The following DCC variants were observed in gnomAD, a reference collection of about 807,000 sequenced individuals.
DCC encodes netrin receptor DCC.
In DCC, 58 loss-of-function variants were observed where a neutral mutation model predicts 172.5. The ratio of observed to expected loss-of-function variants is 0.34; its 90% CI spans 0.27 to 0.42. The LOEUF is 0.42. DCC is among the 10% of genes least tolerant of loss of function. The probability of loss-of-function intolerance (pLI) is 1.00; values close to 1 mark genes in which losing one functional copy is unlikely to be tolerated. For missense variants in DCC, 1,740 were observed against 1,791.0 expected (o/e 0.97, Z 0.51); for synonymous variants, 709 against 644.5 (o/e 1.10, Z -1.52).
At chr18:53,387,931 G>A (rs1908279807) in intron 16 of DCC, among the ~76,000 whole-genome samples, 2 of 152,304 alleles carry the variant, frequency 1.3e-5, no homozygotes, top group South Asian at 2.1e-4. Flanking sequence ...TGGAAAAGGT[G>A]AAAGAATTCA....
intron 1 of DCC, among the ~76,000 whole-genome samples, chr18:52,652,114 AC>A (rs1467768430): frequency 6.6e-6 from 1 of 152,228 alleles, no homozygotes. Context: ...GTCTTGACAC[AC>A]CAGGCTTAGG....
Position 52,782,759 on chromosome 18 carries a change from T to C in DCC, c.412+30385T>C, listed in dbSNP as rs544428529. Among the ~76,000 whole-genome samples, 5 of 152,172 alleles carry C rather than the reference T, an allele frequency of 3.3e-5. No individual in the cohort carries two copies. In the South Asian group the frequency reaches 6.2e-4, roughly 19 times the overall value. On this transcript the variant is annotated intron_variant, in intron 2 of 28. Coordinates refer to ENST00000442544, the MANE Select transcript of DCC (RefSeq NM_005215.4). ...CCTCTCTTGTTCCTCTCTAGGTTAG[T>C]GTACAAGAAAAATCAGCATATCCCC...
At chr18:52,522,058 G>A (rs954300821) in intron 1 of DCC, among the ~76,000 whole-genome samples, 2 of 152,116 alleles carry the variant, frequency 1.3e-5, no homozygotes, top group African/African-American at 4.8e-5. Context: ...TTAAGAAGGT[G>A]ATGACTTAGT....
chr18:53,173,106 T>C (rs1483964849), intron 8 of DCC, among the ~76,000 whole-genome samples: 2 of 152,122 alleles, frequency 1.3e-5, no homozygotes, highest in Non-Finnish European at 2.9e-5. Flanking sequence ...TACAATTCTA[T>C]TATGAGGGTT....
chr18:53,250,569 C>A (rs547662793), intron 12 of DCC, among the ~76,000 whole-genome samples: 3 of 151,944 alleles, frequency 2.0e-5, no homozygotes, highest in African/African-American at 7.2e-5. Flanking sequence ...CCTCCCCTTT[C>A]TTCCACAGGC....
intron 22 of DCC, among the ~76,000 whole-genome samples, chr18:53,448,250 G>C: frequency 6.6e-6 from 1 of 152,082 alleles, no homozygotes. Context: ...ATTTATAAAG[G>C]AAAGAGGTTT....
intron 5 of DCC, among the ~76,000 whole-genome samples, chr18:52,995,629 C>T (rs1328707500): frequency 6.6e-6 from 1 of 152,022 alleles, no homozygotes; most frequent in African/African-American, 2.4e-5. Context: ...TACTTTCTAA[C>T]ATCTCAAGGC....
chr18:53,164,894 C>A (rs911300876), intron 8 of DCC, among the ~76,000 whole-genome samples: 17 of 152,056 alleles, frequency 1.1e-4, no homozygotes, highest in African/African-American at 4.1e-4. Context: ...ATGAGTATGC[C>A]TTTCTCTGTT....
At chr18:52,394,636 G>A (rs561583198) in intron 1 of DCC, among the ~76,000 whole-genome samples, 1 of 152,070 alleles carries the variant, frequency 6.6e-6, no homozygotes, top group Non-Finnish European at 1.5e-5. Flanking sequence ...AAGTCAGTGG[G>A]CAGCAGGTTT....
chr18:52,384,192 T>TAAGATTC (rs1046904584), intron 1 of DCC, among the ~76,000 whole-genome samples: 122 of 152,176 alleles, frequency 8.0e-4, no homozygotes, highest in African/African-American at 2.8e-3. Context: ...CAAGGGAACA[T>TAAGATTC]AAGATTCACT....
chr18:52,817,614 C>A (rs767819238), intron 2 of DCC, among the ~76,000 whole-genome samples: 1 of 151,960 alleles, frequency 6.6e-6, no homozygotes, highest in Non-Finnish European at 1.5e-5. Context: ...ATATTTTCAT[C>A]TTAATGAGTG....
At chr18:53,094,959 A>C (rs73957040) in intron 7 of DCC, among the ~76,000 whole-genome samples, 6,048 of 152,288 alleles carry the variant, frequency 0.04, 369 homozygotes, top group African/African-American at 0.13. Context: ...ACTCTATATT[A>C]AATGAAAGCT....
chr18:52,580,369 A>ACTT (rs1337969256), intron 1 of DCC, among the ~76,000 whole-genome samples: 1 of 152,032 alleles, frequency 6.6e-6, no homozygotes, highest in Non-Finnish European at 1.5e-5. Context: ...ATTTTTAGAG[A>ACTT]CTTCTGGATA....
At chr18:52,827,157 A>C (rs1229059040) in intron 2 of DCC, among the ~76,000 whole-genome samples, 1 of 152,186 alleles carries the variant, frequency 6.6e-6, no homozygotes, top group Non-Finnish European at 1.5e-5. Flanking sequence ...AGGGGGCCCT[A>C]CTCAGTCTCA....
At chr18:52,579,121 G>T (rs2033486320) in intron 1 of DCC, among the ~76,000 whole-genome samples, 2 of 152,166 alleles carry the variant, frequency 1.3e-5, no homozygotes, top group Non-Finnish European at 2.9e-5. Flanking sequence ...CTTCCTCTTA[G>T]TCTTTGCTCA....
intron 1 of DCC, among the ~76,000 whole-genome samples, chr18:52,497,648 G>T (rs573048596): frequency 3.9e-5 from 6 of 152,104 alleles, no homozygotes; most frequent in African/African-American, 1.4e-4. Flanking sequence ...AGTAGTAGGT[G>T]CTGCTTATGT....
At chr18:53,480,208 G>A (rs1333069884) in intron 25 of DCC, among the ~76,000 whole-genome samples, 1 of 152,172 alleles carries the variant, frequency 6.6e-6, no homozygotes, top group Non-Finnish European at 1.5e-5. Flanking sequence ...GAGTATAGTA[G>A]GAGATTGCAG....
At chr18:53,450,729 C>T (rs2045400773) in intron 23 of DCC, 67 bp downstream of exon 23, 3 of 1,288,542 alleles carry the variant, frequency 2.3e-6, no homozygotes, top group South Asian at 2.4e-5. Flanking sequence ...TTTGATGGTC[C>T]TCTTTCTGCG....
chr18:52,865,332 T>C (rs1307394998), intron 2 of DCC, among the ~76,000 whole-genome samples: 1 of 152,202 alleles, frequency 6.6e-6, no homozygotes, highest in Non-Finnish European at 1.5e-5. Context: ...TAGAATGATT[T>C]ATAATCCTTT....
Sources: gnomAD v4.1 joint callset for allele counts (sites outside exome capture counted in the v4.1 genomes callset) on GRCh38, gnomAD v4.1.1 for gene constraint, MANE v1.5 for transcripts, NCBI Gene and HGNC (gene_info 2026-07-23, HGNC 2026-07-21) for gene names.